XPR1: variants seen among roughly 807,000 people sequenced by gnomAD.
XPR1 encodes the protein xenotropic and polytropic retrovirus receptor 1, also known as solute carrier family 53 member 1.
A neutral mutation model predicts 87.5 loss-of-function variants in XPR1; 28 were observed. That is an observed-to-expected ratio of 0.32 (90% CI 0.24 to 0.44). XPR1 has a LOEUF of 0.44. Among genes scored for constraint, XPR1 ranks in the 20% least tolerant of loss-of-function variants. The pLI is 1.00. For missense variants in XPR1, 559 were observed against 862.3 expected, an observed-to-expected ratio of 0.65 and a Z score of 4.41; for synonymous variants, 300 against 306.1, an observed-to-expected ratio of 0.98 and a Z score of 0.21.
rs993189465 is a variant in XPR1, at chr1:180,887,334, G to C, written c.*3268G>C. The C allele has an allele frequency of 6.6e-6, 1 of 152,220 alleles. No homozygotes were observed. The highest frequency in any genetic ancestry group is 2.4e-5 in the African/African-American group (1 of 41,454). 9.4% of individuals were successfully genotyped at this position (152,220 alleles called of 1,614,324 possible). ...TTAAAATAGTCCTCAAAGGAATGAA[G>C]AGGAAGTCTAAATAAATGAATAAAA... On this transcript the variant is annotated 3_prime_UTR_variant, in exon 15 of 15. Coordinates refer to ENST00000367590, the MANE Select transcript of XPR1 (RefSeq NM_004736.4).
chr1:180,749,263 A>AT (rs1446819437), intron 2 of XPR1, among the ~76,000 whole-genome samples: 1 of 152,152 alleles, frequency 6.6e-6, no homozygotes, highest in African/African-American at 2.4e-5. Flanking sequence ...TTAAACTTAA[A>AT]TTTTTTTATG....
intron 14 of XPR1, among the ~76,000 whole-genome samples, chr1:180,880,675 T>C (rs141244924): frequency 3.3e-5 from 5 of 152,344 alleles, no homozygotes; most frequent in African/African-American, 1.2e-4. Flanking sequence ...TAATTTCTGT[T>C]TTCTGCCCCC....
intron 2 of XPR1, among the ~76,000 whole-genome samples, chr1:180,711,492 C>T (rs914293767): frequency 4.6e-5 from 7 of 152,102 alleles, no homozygotes; most frequent in African/African-American, 1.7e-4. Context: ...CGCGCGCCTG[C>T]AATTGCAGGC....
chr1:180,664,853 A>G (rs886473891), intron 1 of XPR1, among the ~76,000 whole-genome samples: 6 of 152,122 alleles, frequency 3.9e-5, no homozygotes, highest in African/African-American at 1.2e-4. Context: ...TCTACCTCAG[A>G]TCATCAGGCA....
intron 1 of XPR1, among the ~76,000 whole-genome samples, chr1:180,633,319 T>TA (rs1259170364): frequency 1.3e-5 from 2 of 152,222 alleles, no homozygotes; most frequent in Non-Finnish European, 2.9e-5. Flanking sequence ...AAGACAGACT[T>TA]ATCTGTAACC....
chr1:180,660,255 T>A (rs1237718285), intron 1 of XPR1, among the ~76,000 whole-genome samples: 1 of 152,134 alleles, frequency 6.6e-6, no homozygotes, highest in Non-Finnish European at 1.5e-5. Context: ...GATCTTCTCT[T>A]TTTTTCTTAG....
At chr1:180,633,129 C>G (rs553646817) in intron 1 of XPR1, among the ~76,000 whole-genome samples, 24 of 152,266 alleles carry the variant, frequency 1.6e-4, no homozygotes, top group African/African-American at 5.8e-4. Context: ...CATTCCCTCC[C>G]AATTTCTGTG....
At chr1:180,634,914 T>C (rs1007402724) in intron 1 of XPR1, among the ~76,000 whole-genome samples, 61 of 152,068 alleles carry the variant, frequency 4.0e-4, no homozygotes, top group African/African-American at 1.3e-3. Flanking sequence ...CTGGGGACAA[T>C]CTTTTTTGCC....
In XPR1 at chr1:180,682,356, A is replaced by G; in HGVS notation, c.70-4A>G. ...CATATATTGTTTTTCTTTCTTTCTA[A>G]TAGGCTTTCAAGGATATGCTGTATT... On this transcript the variant is annotated splice_region_variant and splice_polypyrimidine_tract_variant and intron_variant, in intron 1 of 14. Coordinates refer to ENST00000367590, the MANE Select transcript of XPR1 (RefSeq NM_004736.4). The G allele has an allele frequency of 6.3e-7, 1 of 1,591,138 alleles. No individual in the cohort carries two copies. The highest frequency in any genetic ancestry group is 8.6e-7 in the Non-Finnish European group (1 of 1,167,788).
intron 2 of XPR1, among the ~76,000 whole-genome samples, chr1:180,691,208 C>A (rs1656983031): frequency 6.6e-6 from 1 of 151,968 alleles, no homozygotes; most frequent in Non-Finnish European, 1.5e-5. Context: ...TGTATTTTGT[C>A]AAAACACCAA....
rs1460936029 is a variant in XPR1, at chr1:180,724,233, C to G, written c.121+41822C>G. On this transcript the variant is annotated intron_variant, in intron 2 of 14. Coordinates refer to ENST00000367590, the MANE Select transcript of XPR1 (RefSeq NM_004736.4). ...GTGAGTTTGGGATATCAAAGAATAT[C>G]TAGAGGAGGTGACCTTTGAGCAGGG... Among the ~76,000 whole-genome samples the G allele has an allele frequency of 3.9e-5, 6 of 152,086 alleles. No individual in the cohort carries two copies. The East Asian group carries it at 1.2e-3, about 29-fold the overall frequency.
Position 180,855,234 on chromosome 1 carries a change from GAC to G in XPR1, c.1502-8472_1502-8471del, listed in dbSNP as rs1313566251. 5.9e-5 allele frequency among the ~76,000 whole-genome samples: 9 copies of G among 152,244 alleles called. No individual in the cohort carries two copies. In the East Asian group the frequency reaches 1.5e-3, roughly 26 times the overall value. On this transcript the variant is annotated intron_variant, in intron 11 of 14. Coordinates refer to ENST00000367590, the MANE Select transcript of XPR1 (RefSeq NM_004736.4). ...AAAATTGTGTATATACAGAATGAAA[GAC>G]AGTATAAGCACAAGCAAAATGTTTT... is the stretch of plus-strand genomic sequence containing the variant.
chr1:180,713,619 A>G (rs1270838976), intron 2 of XPR1, among the ~76,000 whole-genome samples: 3 of 152,026 alleles, frequency 2.0e-5, no homozygotes, highest in Non-Finnish European at 4.4e-5. Context: ...TGCTTTTTTC[A>G]TATTTATTGA....
chr1:180,656,729 C>G (rs997505987), intron 1 of XPR1, among the ~76,000 whole-genome samples: 3 of 131,604 alleles, frequency 2.3e-5, no homozygotes, highest in Non-Finnish European at 4.7e-5. Flanking sequence ...TTTTCATTAT[C>G]CATTCATCTG....
intron 3 of XPR1, among the ~76,000 whole-genome samples, chr1:180,795,850 C>T (rs1230772701): frequency 6.6e-6 from 1 of 152,140 alleles, no homozygotes; most frequent in African/African-American, 2.4e-5. Flanking sequence ...CTTTGTCACC[C>T]AGGCTGGAAT....
At chr1:180,697,676 A>C (rs1328467278) in intron 2 of XPR1, among the ~76,000 whole-genome samples, 1 of 151,968 alleles carries the variant, frequency 6.6e-6, no homozygotes, top group Non-Finnish European at 1.5e-5. Context: ...AGACATTTAA[A>C]ATTTTTCTTT....
At chr1:180,800,722 T>C (rs1264882148) in intron 3 of XPR1, among the ~76,000 whole-genome samples, 1 of 152,206 alleles carries the variant, frequency 6.6e-6, no homozygotes, top group East Asian at 1.9e-4. Flanking sequence ...ATATTTCCTT[T>C]TCCTCAGTGC....
chr1:180,806,368 C>T (rs1466836138), intron 5 of XPR1, 106 bp from the exon 6 acceptor site: 6 of 1,464,468 alleles, frequency 4.1e-6, no homozygotes, highest in Non-Finnish European at 5.6e-6. Flanking sequence ...AGTATATATT[C>T]ACCAAAAAGT....
intron 2 of XPR1, among the ~76,000 whole-genome samples, chr1:180,766,006 A>T (rs1319108031): frequency 2.0e-5 from 3 of 152,194 alleles, no homozygotes; most frequent in African/African-American, 7.2e-5. Context: ...ACCGAGATAT[A>T]TAGAGTTTAA....
Sources: gnomAD v4.1 joint callset for allele counts (sites outside exome capture counted in the v4.1 genomes callset) on GRCh38, gnomAD v4.1.1 for gene constraint, MANE v1.5 for transcripts, NCBI Gene and HGNC (gene_info 2026-07-23, HGNC 2026-07-21) for gene names.